The following QPCT variants were observed in gnomAD, a reference collection of about 807,000 sequenced individuals.
QPCT encodes the protein glutaminyl-peptide cyclotransferase, also known as EC.
A neutral mutation model predicts 43.4 loss-of-function variants in QPCT; 44 were observed. The observed-to-expected ratio is 1.01, with a 90% CI of 0.80 to 1.30. QPCT has a LOEUF of 1.30. Among genes scored for constraint, QPCT ranks in the 50% most tolerant of loss-of-function variants. The pLI, the probability that QPCT is intolerant of heterozygous loss-of-function variation, is 0.00. For missense variants in QPCT, 526 were observed against 436.5 expected, an observed-to-expected ratio of 1.21 and a Z score of -1.83; for synonymous variants, 168 against 168.4, an observed-to-expected ratio of 1.00 and a Z score of 0.02.
chr2:37,345,436 A>G (rs1672464945), intron 1 of QPCT, among the ~76,000 whole-genome samples: 1 of 152,314 alleles, frequency 6.6e-6, no homozygotes, highest in Non-Finnish European at 1.5e-5. Flanking sequence ...TCCTCCACTT[A>G]AAAGAGGGTA....
intron 1 of QPCT, among the ~76,000 whole-genome samples, chr2:37,347,023 T>C (rs941100583): frequency 1.3e-4 from 20 of 150,058 alleles, no homozygotes; most frequent in Admixed American, 2.0e-4. Context: ...GGCCATGATT[T>C]GATTATGTAT....
chr2:37,359,615 C>T lies in QPCT; in HGVS notation c.303C>T (p.Asp101=). 2 of 1,614,148 alleles carry T rather than the reference C, an allele frequency of 1.2e-6. No homozygotes were observed. The highest frequency in any genetic ancestry group is 8.5e-7 in the Non-Finnish European group (1 of 1,180,024). The change falls in exon 3 of 7, where the codon GAC becomes GAT. Residue 101 remains aspartate (D), a synonymous_variant. Coordinates refer to ENST00000338415, the MANE Select transcript of QPCT (RefSeq NM_012413.4). ...AGCGAATTCAGAGGCTTCAGGCTGA[C>T]TGGGTCTTGGAAATAGACACCTTCT... ...IMQRIQRLQA[D]WVLEIDTFLS...
chr2:37,353,075 A>G, intron 2 of QPCT, 140 bp downstream of exon 2: 2 of 993,158 alleles, frequency 2.0e-6, no homozygotes, highest in Non-Finnish European at 2.9e-6. Context: ...ACCAAGAAAA[A>G]TCAAATGACT....
rs532180311 is a variant in QPCT, at chr2:37,351,583, T to C, written c.121-1206T>C. On this transcript the variant is annotated intron_variant, in intron 1 of 6. Transcript: ENST00000338415. ...AATCATCTGAGTTGGCACTGTCTAATAGAAATAATGACTCAGGGCTGGGTG... is the reference window on the plus strand; with the variant it reads ...AATCATCTGAGTTGGCACTGTCTAACAGAAATAATGACTCAGGGCTGGGTG... Among the ~76,000 whole-genome samples the C allele has an allele frequency of 7.2e-5, 11 of 152,288 alleles. No homozygotes were observed. The East Asian group carries it at 2.1e-3, about 29-fold the overall frequency.
chr2:37,354,838 A>T (rs1361144837), intron 2 of QPCT, among the ~76,000 whole-genome samples: 1 of 151,412 alleles, frequency 6.6e-6, no homozygotes, highest in Non-Finnish European at 1.5e-5. Context: ...TTTTTTTCCC[A>T]TACCATTTGC....
chr2:37,360,738 C>T (rs1672843640), intron 3 of QPCT, among the ~76,000 whole-genome samples: 1 of 152,098 alleles, frequency 6.6e-6, no homozygotes, highest in African/African-American at 2.4e-5. Context: ...CTTGTTTATA[C>T]CCTCTCAGTC....
At position 37,368,621 on chromosome 2, in the gene QPCT, G is replaced by A. The variant is rs1253737327; in HGVS notation, c.724-1064G>A. 6 of 471,058 alleles carry A rather than the reference G, an allele frequency of 1.3e-5. No homozygotes were observed. In the Admixed American group the frequency reaches 1.4e-4, roughly 11 times the overall value. 29.2% of individuals were successfully genotyped at this position (471,058 alleles called of 1,614,324 possible). ...CCTGTTGGCATTTGCTCTCCCTCCT[G>A]TTATCCATTGGCAGCTCCTAATGGG... On this transcript the variant is annotated intron_variant, in intron 4 of 6. Transcript: ENST00000338415.
At chr2:37,346,556 T>C (rs1329055106) in intron 1 of QPCT, among the ~76,000 whole-genome samples, 1 of 152,254 alleles carries the variant, frequency 6.6e-6, no homozygotes, top group Non-Finnish European at 1.5e-5. Context: ...GAAAAGGTGC[T>C]GTGATTCTTA....
Position 37,359,834 on chromosome 2 carries a change from A to G in QPCT, c.522A>G (p.Leu174=), listed in dbSNP as rs1672827235. ...TGATGTTGGAACTTGCTCGTGCCTTAGACAAGAAACTCCTTTCCTTAAAGG... is the reference window on the plus strand; with the variant it reads ...TGATGTTGGAACTTGCTCGTGCCTTGGACAAGAAACTCCTTTCCTTAAAGG... ...CAMMLELARA[L]DKKLLSLKTV... The change falls in exon 3 of 7, where the codon TTA becomes TTG. Residue 174 remains leucine (L), a synonymous_variant. Coordinates refer to ENST00000338415, the MANE Select transcript of QPCT (RefSeq NM_012413.4). 1 of 1,614,208 alleles carries G rather than the reference A, an allele frequency of 6.2e-7. No homozygotes were observed. Among genetic ancestry groups the G allele is most frequent in the Non-Finnish European group, 8.5e-7 (1 of 1,180,010 alleles).
At chr2:37,370,140 G>C (rs1049922112) in intron 5 of QPCT, among the ~76,000 whole-genome samples, 6 of 152,048 alleles carry the variant, frequency 3.9e-5, no homozygotes, top group Admixed American at 6.6e-5. Context: ...AGCCAAGATG[G>C]TGCCATTGCA....
At chr2:37,351,322 C>T (rs1202446994) in intron 1 of QPCT, among the ~76,000 whole-genome samples, 1 of 152,156 alleles carries the variant, frequency 6.6e-6, no homozygotes, top group African/African-American at 2.4e-5. Context: ...TGTTCTCTTC[C>T]TGTTGAGGAG....
At chr2:37,350,082 G>A (rs1449766492) in intron 1 of QPCT, among the ~76,000 whole-genome samples, 2 of 152,228 alleles carry the variant, frequency 1.3e-5, no homozygotes, top group Middle Eastern at 3.4e-3. Flanking sequence ...ACACAAAGAA[G>A]TGGCCTCCAA....
In QPCT at chr2:37,344,681, C is replaced by G. The variant is rs1431623736; in HGVS notation, c.-51C>G. On this transcript the variant is annotated 5_prime_UTR_variant, in exon 1 of 7. Transcript: ENST00000338415. The stretch of plus-strand genomic sequence containing the variant: ...AAGGCGAAGGACGCGCGTTCCCGGG[C>G]TCGTGACCGCCAGCGGCCCGGGGAA... 1 of 1,557,080 alleles carries G rather than the reference C, an allele frequency of 6.4e-7. No individual in the cohort carries two copies. Among genetic ancestry groups the G allele is most frequent in the African/African-American group, 1.4e-5 (1 of 72,796 alleles).
Position 37,359,611 on chromosome 2 carries a change from C to G in QPCT, c.299C>G (p.Ala100Gly). The G allele has an allele frequency of 6.2e-7, 1 of 1,614,144 alleles. No individual in the cohort carries two copies. Among genetic ancestry groups the G allele is most frequent in the Non-Finnish European group, 8.5e-7 (1 of 1,180,024 alleles). Residue 100 changes from alanine to glycine, a missense_variant, in exon 3 of 7, where the codon GCT becomes GGT. Ala to Gly is a moderately conservative substitution (Grantham distance 60). Transcript: ENST00000338415. ...HIMQRIQRLQADWVLEIDTFL... is the reference protein window; with the variant it reads ...HIMQRIQRLQGDWVLEIDTFL... ...ATGCAGCGAATTCAGAGGCTTCAGG[C>G]TGACTGGGTCTTGGAAATAGACACC...
intron 5 of QPCT, among the ~76,000 whole-genome samples, chr2:37,370,073 T>C (rs1260167574): frequency 3.9e-5 from 6 of 152,092 alleles, no homozygotes; most frequent in African/African-American, 1.4e-4. Context: ...TAATCCCAGC[T>C]ACTTGATAGG....
Position 37,352,642 on chromosome 2 carries a change from A to G in QPCT, c.121-147A>G, listed in dbSNP as rs1296806789. The G allele has an allele frequency of 2.9e-6, 3 of 1,034,658 alleles. No individual in the cohort carries two copies. In the African/African-American group the frequency reaches 4.9e-5, roughly 17 times the overall value. 64.1% of individuals were successfully genotyped at this position (1,034,658 alleles called of 1,614,324 possible). On this transcript the variant is annotated intron_variant, in intron 1 of 6. Transcript: ENST00000338415. The stretch of plus-strand genomic sequence containing the variant: ...CCACCGTGCCCAGCCCTAACAGCCC[A>G]ATTTTAAAGTTGAGTAGTTTAATTT...
intron 1 of QPCT, among the ~76,000 whole-genome samples, chr2:37,351,930 T>C (rs115208263): frequency 0.023 from 3,556 of 151,428 alleles, 65 homozygotes; most frequent in Middle Eastern, 0.051. Flanking sequence ...CTCAGGAGAC[T>C]GAGGTGGGAG....
At chr2:37,370,952 C>T (rs562387283) in intron 5 of QPCT, among the ~76,000 whole-genome samples, 1 of 152,260 alleles carries the variant, frequency 6.6e-6, no homozygotes, top group African/African-American at 2.4e-5. Context: ...CCTTACTAGC[C>T]ACACAAACTT....
rs1672830022 is a variant in QPCT at position 37,359,984 on chromosome 2, A to G, written c.546+126A>G. On this transcript the variant is annotated intron_variant, in intron 3 of 6. Transcript: ENST00000338415. ...TGGAGACTTTTGGTACATTTTTATT[A>G]TGAACATTAATTGTAAGATTGCATG... is the stretch of plus-strand genomic sequence containing the variant. The G allele has an allele frequency of 4.9e-6, 5 of 1,011,924 alleles. No individual in the cohort carries two copies. The South Asian group carries it at 7.9e-5, about 16-fold the overall frequency. The allele number at this position is 1,011,924 out of a possible 1,614,324, so 62.7% of individuals were successfully genotyped here.
Sources: gnomAD v4.1 joint callset for allele counts (sites outside exome capture counted in the v4.1 genomes callset) on GRCh38, gnomAD v4.1.1 for gene constraint, MANE v1.5 for transcripts, NCBI Gene and HGNC (gene_info 2026-07-23, HGNC 2026-07-21) for gene names.